Variants in NUDT4 observed in about 807,000 individuals in gnomAD.
NUDT4 encodes nudix hydrolase 4, also known as diphosphoinositol polyphosphate phosphohydrolase 2.
A neutral mutation model predicts 23.1 loss-of-function variants in NUDT4; 5 were observed. The ratio of observed to expected loss-of-function variants is 0.22; its 90% CI spans 0.11 to 0.46. The LOEUF is 0.46. NUDT4 is among the 20% of genes least tolerant of loss of function. The pLI, the probability that NUDT4 is intolerant of heterozygous loss-of-function variation, is 0.99. For missense variants in NUDT4, 96 were observed against 211.6 expected, an observed-to-expected ratio of 0.45 and a Z score of 3.39; for synonymous variants, 50 against 79.0, an observed-to-expected ratio of 0.63 and a Z score of 1.95.
chr12:93,394,026 AG>A (rs1876746320), intron 1 of NUDT4, among the ~76,000 whole-genome samples: 2 of 152,082 alleles, frequency 1.3e-5, no homozygotes, highest in African/African-American at 4.8e-5. Context: ...TGTTTTTTTG[AG>A]ATGGAGTCTC....
At chr12:93,394,327 T>C (rs1057204638) in intron 1 of NUDT4, among the ~76,000 whole-genome samples, 14 of 152,210 alleles carry the variant, frequency 9.2e-5, no homozygotes, top group African/African-American at 3.4e-4. Flanking sequence ...TCCTTTGTTA[T>C]TATCCAATAA....
intron 1 of NUDT4, among the ~76,000 whole-genome samples, chr12:93,379,428 T>C (rs2120838041): frequency 6.7e-6 from 1 of 149,052 alleles, no homozygotes; most frequent in East Asian, 1.9e-4. Context: ...TATAAAATAC[T>C]AGGCTAAGGC....
chr12:93,392,251 C>CG (rs1555193891), intron 1 of NUDT4, among the ~76,000 whole-genome samples: 1 of 139,244 alleles, frequency 7.2e-6, no homozygotes, highest in African/African-American at 2.6e-5. Context: ...TTTCCCCCCC[C>CG]CCCTTTTTTT....
chr12:93,388,934 A>C (rs952932449), intron 1 of NUDT4, among the ~76,000 whole-genome samples: 2 of 152,218 alleles, frequency 1.3e-5, no homozygotes, highest in African/African-American at 4.8e-5. Context: ...GAAAGGTTCA[A>C]AAGTAGCAGA....
At chr12:93,386,440 C>CAT (rs1398124261) in intron 1 of NUDT4, among the ~76,000 whole-genome samples, 2 of 151,968 alleles carry the variant, frequency 1.3e-5, no homozygotes, top group Non-Finnish European at 2.9e-5. Context: ...ATGAGCCGAG[C>CAT]ATGGTGGTGT....
intron 3 of NUDT4, 41 bp from the exon 4 acceptor site, chr12:93,398,730 C>T (rs761502757): frequency 7.2e-7 from 1 of 1,383,570 alleles, no homozygotes; most frequent in Non-Finnish European, 1.0e-6. Flanking sequence ...CCATGGCTAG[C>T]TCCTGTAGAT....
intron 1 of NUDT4, among the ~76,000 whole-genome samples, chr12:93,394,253 C>T (rs1304811361): frequency 6.6e-6 from 1 of 152,208 alleles, no homozygotes; most frequent in East Asian, 1.9e-4. Context: ...CCGCCCGCCT[C>T]GGCCTCCCAG....
chr12:93,395,867 C>G (rs530513085), intron 3 of NUDT4, among the ~76,000 whole-genome samples: 11 of 152,090 alleles, frequency 7.2e-5, no homozygotes, highest in Non-Finnish European at 1.2e-4. Flanking sequence ...ACTACAGGCA[C>G]GCGCCACCAC....
chr12:93,395,247 A>G (rs895650231), intron 2 of NUDT4, among the ~76,000 whole-genome samples: 3 of 152,148 alleles, frequency 2.0e-5, no homozygotes, highest in Admixed American at 6.5e-5. Context: ...CGGCCTCCCA[A>G]AGTGCTGGGA....
At chr12:93,398,973 A>G (rs562824730) in intron 4 of NUDT4, 118 bp downstream of exon 4, 4 of 845,452 alleles carry the variant, frequency 4.7e-6, no homozygotes, top group East Asian at 5.3e-5. Flanking sequence ...TCCTGTGTCC[A>G]GTTTCCATCC....
intron 1 of NUDT4, among the ~76,000 whole-genome samples, chr12:93,389,762 ATGG>A (rs1876356188): frequency 6.7e-6 from 1 of 149,854 alleles, no homozygotes; most frequent in Non-Finnish European, 1.5e-5. Context: ...TGAGCTGGGC[ATGG>A]TGGTGGGAGC....
intron 1 of NUDT4, among the ~76,000 whole-genome samples, chr12:93,382,806 C>T (rs975403604): frequency 6.6e-6 from 1 of 151,530 alleles, no homozygotes; most frequent in African/African-American, 2.4e-5. Flanking sequence ...GGACTACAGG[C>T]AGCCGCCACC....
At chr12:93,382,808 G>A (rs1316574710) in intron 1 of NUDT4, among the ~76,000 whole-genome samples, 2 of 151,564 alleles carry the variant, frequency 1.3e-5, no homozygotes, top group Admixed American at 6.6e-5. Context: ...ACTACAGGCA[G>A]CCGCCACCAT....
rs769046257 is a variant in NUDT4, at chr12:93,404,324, A to G, written c.*4945A>G. 2.0e-5 allele frequency: 3 copies of G among 152,234 alleles called. No individual in the cohort carries two copies. The highest frequency in any genetic ancestry group is 2.9e-5 in the Non-Finnish European group (2 of 68,048). 9.4% of individuals were successfully genotyped at this position (152,234 alleles called of 1,614,324 possible). A position where few individuals can be genotyped will look rare whatever the true frequency, so the allele number is the denominator to read the frequency against. ...AAGGATTTGTAATGGTTAACTTGCA[A>G]TATATCCATATGGTGTAATATTACA... is the stretch of plus-strand genomic sequence containing the variant. On this transcript the variant is annotated 3_prime_UTR_variant, in exon 5 of 5. Coordinates refer to ENST00000415493, the MANE Select transcript of NUDT4 (RefSeq NM_019094.6).
chr12:93,399,113 A>G (rs1012718777), intron 4 of NUDT4, 64 bp from the exon 5 acceptor site: 4 of 1,199,770 alleles, frequency 3.3e-6, no homozygotes, highest in Admixed American at 1.7e-5. Flanking sequence ...GTAAGTGGAC[A>G]TTACTTATAT....
chr12:93,395,110 A>T (rs1876840149), intron 2 of NUDT4, among the ~76,000 whole-genome samples: 7 of 151,984 alleles, frequency 4.6e-5, no homozygotes, highest in Admixed American at 4.6e-4. Flanking sequence ...CAGCCTCCCA[A>T]AGTGCTGGGA....
At chr12:93,388,299 T>C (rs146835649) in intron 1 of NUDT4, among the ~76,000 whole-genome samples, 79 of 152,378 alleles carry the variant, frequency 5.2e-4, no homozygotes, top group African/African-American at 1.9e-3. Context: ...TAGATTTATA[T>C]AGATGTATGT....
chr12:93,388,186 G>A (rs191921626), intron 1 of NUDT4, among the ~76,000 whole-genome samples: 8 of 152,218 alleles, frequency 5.3e-5, no homozygotes, highest in Non-Finnish European at 1.0e-4. Flanking sequence ...ATAATTTGAA[G>A]TTATTGGTCT....
intron 4 of NUDT4, 91 bp from the exon 5 acceptor site, chr12:93,399,086 A>G: frequency 1.1e-6 from 1 of 897,494 alleles, no homozygotes; most frequent in South Asian, 1.5e-5. Flanking sequence ...ATTGTTGTCT[A>G]AGTCATTTAT....
Sources: allele counts gnomAD v4.1 joint callset (sites outside exome capture counted in the v4.1 genomes callset), GRCh38; gene constraint gnomAD v4.1.1; transcripts MANE v1.5; gene names NCBI Gene and HGNC (gene_info 2026-07-23, HGNC 2026-07-21).